KANSL1L: variants seen among roughly 807,000 people sequenced by gnomAD.
The protein encoded by KANSL1L is KAT8 regulatory NSL complex subunit 1 like.
KANSL1L carries 25 observed loss-of-function variants against 108.6 expected under a neutral mutation model. The ratio of observed to expected loss-of-function variants is 0.23; its 90% CI spans 0.17 to 0.32. The LOEUF (loss-of-function observed/expected upper bound fraction) is 0.32. Ranked by LOEUF, KANSL1L falls within the 10% of genes least tolerant of loss-of-function variation. KANSL1L has a pLI of 1.00. For synonymous variants in KANSL1L, 405 were observed against 395.1 expected, an observed-to-expected ratio of 1.03 and a Z score of -0.30; for missense variants, 1,137 against 1,125.7, an observed-to-expected ratio of 1.01 and a Z score of -0.14.
intron 2 of KANSL1L, among the ~76,000 whole-genome samples, chr2:210,135,797 A>C (rs2095168168): frequency 2.6e-5 from 4 of 152,172 alleles, no homozygotes; most frequent in African/African-American, 9.7e-5. Context: ...CTTAAATAAC[A>C]TATTCCTCCC....
At chr2:210,028,815 A>G (rs369747137) in intron 11 of KANSL1L, 30 bp downstream of exon 11, 1 of 1,470,398 alleles carries the variant, frequency 6.8e-7, no homozygotes, top group Non-Finnish European at 9.2e-7. Context: ...GAAGGAAGGA[A>G]GAAAAATATG....
In KANSL1L at chr2:210,153,689, T is replaced by G; in HGVS notation, c.894A>C (p.Thr298=). Reference sequence around the variant, plus strand: ...CCCACAATTTATTCTCTGCAGTCAATGTGTTAACTTCTGGCTTAATTTCAG... The same window carrying G: ...CCCACAATTTATTCTCTGCAGTCAAGGTGTTAACTTCTGGCTTAATTTCAG... The part of the protein sequence containing the change: ...KCTEIKPEVN[T]LTAENKLWDD... The change falls in exon 2 of 15, where the codon ACA becomes ACC. Residue 298 remains threonine, a synonymous_variant. Transcript: ENST00000281772. 1 of 1,608,084 alleles carries G rather than the reference T, an allele frequency of 6.2e-7. No homozygotes were observed. Among genetic ancestry groups the G allele is most frequent in the African/African-American group, 1.3e-5 (1 of 74,808 alleles).
At position 210,086,467 on chromosome 2, in the gene KANSL1L, C is replaced by G. The variant is rs533459780; in HGVS notation, c.1551-10711G>C. 4.0e-5 allele frequency among the ~76,000 whole-genome samples: 6 copies of G among 148,964 alleles called. No individual in the cohort carries two copies. The South Asian group carries it at 1.1e-3, about 27-fold the overall frequency. On this transcript the variant is annotated intron_variant, in intron 5 of 14. Transcript: ENST00000281772. Reference sequence around the variant, plus strand: ...ACAGTTCCTGGTGAGTCATCTGAGACCATACTGCCAAGATTAATAAAGCTA... The same window carrying G: ...ACAGTTCCTGGTGAGTCATCTGAGAGCATACTGCCAAGATTAATAAAGCTA...
At chr2:210,131,294 AAGG>A (rs2095117748) in intron 2 of KANSL1L, among the ~76,000 whole-genome samples, 1 of 152,142 alleles carries the variant, frequency 6.6e-6, no homozygotes, top group African/African-American at 2.4e-5. Flanking sequence ...TTTGACTGGG[AAGG>A]AGAGGGGAGA....
At chr2:210,043,795 A>C in intron 7 of KANSL1L, 144 bp downstream of exon 7, 1 of 488,674 alleles carries the variant, frequency 2.0e-6, no homozygotes, top group South Asian at 4.9e-5. Context: ...TCTACAACAA[A>C]TTTAATTGTC....
rs2093899618 is a variant in KANSL1L, at chr2:210,024,033, C to T, written c.2733G>A (p.Lys911=). 1 of 1,560,316 alleles carries T rather than the reference C, an allele frequency of 6.4e-7. No individual in the cohort carries two copies. Among genetic ancestry groups the T allele is most frequent in the East Asian group, 2.3e-5 (1 of 42,702 alleles). ...GTTTAATCATACATATTACACTTACCTTGGTTTCTTGACTTTGATTTAAAG... is the reference window on the plus strand; with the variant it reads ...GTTTAATCATACATATTACACTTACTTTGGTTTCTTGACTTTGATTTAAAG... ...LPSLNQSQET[K]SLWWERRAFP... The change falls in exon 14 of 15, where the codon AAG becomes AAA. Residue 911 remains lysine, a splice_region_variant and synonymous_variant. Transcript: ENST00000281772.
chr2:210,101,285 A>G (rs942610318), intron 4 of KANSL1L, among the ~76,000 whole-genome samples: 1 of 152,178 alleles, frequency 6.6e-6, no homozygotes, highest in African/African-American at 2.4e-5. Flanking sequence ...CTTTAAATTC[A>G]TAACTGTTTT....
chr2:210,128,053 A>G (rs989407926), intron 3 of KANSL1L, among the ~76,000 whole-genome samples: 1 of 152,090 alleles, frequency 6.6e-6, no homozygotes, highest in Non-Finnish European at 1.5e-5. Context: ...GCAAATCAAA[A>G]CTAAAATAAG....
At chr2:210,141,546 T>A (rs982445998) in intron 2 of KANSL1L, among the ~76,000 whole-genome samples, 4 of 152,164 alleles carry the variant, frequency 2.6e-5, no homozygotes, top group Admixed American at 6.6e-5. Context: ...CTGAATCCGC[T>A]GACAACTTGG....
chr2:210,037,712 A>G (rs891213691), intron 8 of KANSL1L, among the ~76,000 whole-genome samples: 3 of 152,192 alleles, frequency 2.0e-5, no homozygotes, highest in African/African-American at 7.2e-5. Context: ...TTAAAAGCAA[A>G]TCCCAGACAT....
chr2:210,143,613 T>C (rs971058095), intron 2 of KANSL1L, among the ~76,000 whole-genome samples: 2 of 152,136 alleles, frequency 1.3e-5, no homozygotes, highest in African/African-American at 4.8e-5. Flanking sequence ...TTTCTCTTCA[T>C]CTTTTGTATA....
chr2:210,126,819 A>G (rs2095070065), intron 3 of KANSL1L, among the ~76,000 whole-genome samples: 1 of 152,228 alleles, frequency 6.6e-6, no homozygotes. Context: ...CTCTGTCTCA[A>G]AAATATATAT....
chr2:210,053,414 TG>T (rs1220097257), intron 6 of KANSL1L, among the ~76,000 whole-genome samples: 1 of 152,120 alleles, frequency 6.6e-6, no homozygotes, highest in Non-Finnish European at 1.5e-5. Flanking sequence ...CTGGCCAACA[TG>T]GTGAGACCTT....
rs781117660 is a variant in KANSL1L, at chr2:210,025,249, C to A, written c.2452-33G>T. 8 of 1,308,890 alleles carry A rather than the reference C, an allele frequency of 6.1e-6. No individual in the cohort carries two copies. In the South Asian group the frequency reaches 8.3e-5, roughly 14 times the overall value. 81.1% of individuals were successfully genotyped at this position (1,308,890 alleles called of 1,614,324 possible). A position where few individuals can be genotyped will look rare whatever the true frequency, so the allele number is the denominator to read the frequency against. On this transcript the variant is annotated intron_variant, in intron 12 of 14. Transcript: ENST00000281772. ...TAGAAATAAAGATTTTTGTTTTAAT[C>A]AGAAACATTTTGAAATATAAGATCA...
chr2:210,112,362 GAAA>G (rs2094915283), intron 3 of KANSL1L, among the ~76,000 whole-genome samples: 1 of 152,112 alleles, frequency 6.6e-6, no homozygotes, highest in African/African-American at 2.4e-5. Context: ...GTACCAGATA[GAAA>G]AGACAGTACC....
intron 5 of KANSL1L, among the ~76,000 whole-genome samples, chr2:210,093,256 G>A (rs1013373876): frequency 1.3e-5 from 2 of 151,984 alleles, no homozygotes; most frequent in Admixed American, 6.5e-5. Flanking sequence ...GGAGATTCTC[G>A]TGCCTCAGCC....
At chr2:210,119,384 T>A (rs1456723542) in intron 3 of KANSL1L, among the ~76,000 whole-genome samples, 2 of 152,030 alleles carry the variant, frequency 1.3e-5, no homozygotes, top group African/African-American at 4.8e-5. Context: ...ACCACATTTT[T>A]AAAAAAGAGA....
chr2:210,109,713 A>T (rs1034524960), intron 3 of KANSL1L, among the ~76,000 whole-genome samples: 1 of 152,024 alleles, frequency 6.6e-6, no homozygotes, highest in Admixed American at 6.6e-5. Flanking sequence ...TGTGCTTCCT[A>T]TTAAAGGGTT....
At chr2:210,068,875 T>A (rs1035626452) in intron 6 of KANSL1L, among the ~76,000 whole-genome samples, 4 of 152,222 alleles carry the variant, frequency 2.6e-5, no homozygotes, top group Non-Finnish European at 4.4e-5. Context: ...TCTGCTTAGA[T>A]GATTGATTGG....
Sources: gnomAD v4.1 joint callset for allele counts (sites outside exome capture counted in the v4.1 genomes callset) on GRCh38, gnomAD v4.1.1 for gene constraint, MANE v1.5 for transcripts, NCBI Gene and HGNC (gene_info 2026-07-23, HGNC 2026-07-21) for gene names.